CACNA2D3: variants seen among roughly 807,000 people sequenced by gnomAD.
CACNA2D3 encodes the protein calcium voltage-gated channel auxiliary subunit alpha2delta 3.
A neutral mutation model predicts 160.6 loss-of-function variants in CACNA2D3; 60 were observed. The ratio of observed to expected loss-of-function variants is 0.37; its 90% CI spans 0.30 to 0.46. The LOEUF (loss-of-function observed/expected upper bound fraction) is 0.46. Ranked by LOEUF, CACNA2D3 falls within the 20% of genes least tolerant of loss-of-function variation. The pLI is 1.00. For synonymous variants in CACNA2D3, 558 were observed against 492.9 expected, an observed-to-expected ratio of 1.13 and a Z score of -1.75; for missense variants, 1,205 against 1,365.0, an observed-to-expected ratio of 0.88 and a Z score of 1.85.
intron 11 of CACNA2D3, among the ~76,000 whole-genome samples, chr3:54,732,330 A>G (rs571572388): frequency 2.0e-5 from 3 of 152,346 alleles, no homozygotes; most frequent in South Asian, 4.1e-4. Context: ...ACATACACTT[A>G]CAGATCCAAT....
In CACNA2D3 at chr3:54,243,131, C is replaced by T. The variant is rs185631772; in HGVS notation, c.205-77311C>T. On this transcript the variant is annotated intron_variant, in intron 2 of 37. Coordinates refer to ENST00000474759, the MANE Select transcript of CACNA2D3 (RefSeq NM_018398.3). ...ATTCCAGATCTCCTCCAAGATTGTA[C>T]CCCCTGTCCCCACTCTCCAGCTCCC... Among the ~76,000 whole-genome samples, 384 of 152,278 alleles carry T rather than the reference C, an allele frequency of 2.5e-3. 1 individual carries two copies. The highest frequency in any genetic ancestry group is 8.9e-3 in the African/African-American group (369 of 41,542).
At chr3:54,321,186 G>C (rs1000066735) in intron 3 of CACNA2D3, among the ~76,000 whole-genome samples, 12 of 152,138 alleles carry the variant, frequency 7.9e-5, no homozygotes, top group African/African-American at 2.9e-4. Flanking sequence ...CGGGTGTGTT[G>C]GTGGGTGCCT....
intron 35 of CACNA2D3, among the ~76,000 whole-genome samples, chr3:55,027,687 G>A (rs963549222): frequency 1.3e-5 from 2 of 152,282 alleles, no homozygotes; most frequent in African/African-American, 4.8e-5. Context: ...ATTCTGCAGC[G>A]TTTGGCCAGG....
chr3:54,598,272 C>G (rs568041710), intron 9 of CACNA2D3, among the ~76,000 whole-genome samples: 2 of 128,734 alleles, frequency 1.6e-5, no homozygotes, highest in Non-Finnish European at 1.6e-5. Flanking sequence ...CATGCCACCG[C>G]ACTCCAGCCT....
chr3:54,533,249 A>G (rs2106644667), intron 5 of CACNA2D3, among the ~76,000 whole-genome samples: 1 of 151,182 alleles, frequency 6.6e-6, no homozygotes, highest in Admixed American at 6.6e-5. Flanking sequence ...TCCGTGGTTT[A>G]CTTTCTTGCA....
chr3:54,983,836 C>A (rs1387294714), intron 29 of CACNA2D3, among the ~76,000 whole-genome samples: 2 of 152,216 alleles, frequency 1.3e-5, no homozygotes, highest in East Asian at 3.9e-4. Context: ...AACTGAGTTA[C>A]ATCAAGGACG....
chr3:54,528,572 C>A (rs1701760518), intron 5 of CACNA2D3, among the ~76,000 whole-genome samples: 1 of 152,098 alleles, frequency 6.6e-6, no homozygotes, highest in African/African-American at 2.4e-5. Context: ...AAACACGAAA[C>A]CTTGCTTATT....
chr3:54,460,615 A>G (rs979476949), intron 4 of CACNA2D3, among the ~76,000 whole-genome samples: 5 of 152,216 alleles, frequency 3.3e-5, no homozygotes, highest in African/African-American at 1.2e-4. Flanking sequence ...TGATTTTTGT[A>G]CATTGATTTT....
intron 11 of CACNA2D3, among the ~76,000 whole-genome samples, chr3:54,736,009 A>G (rs7434214): frequency 9.7e-5 from 9 of 93,034 alleles, no homozygotes; most frequent in African/African-American, 2.5e-4. Flanking sequence ...ATATATATGT[A>G]TATATATACA....
At chr3:55,014,554 C>A (rs1382520209) in intron 34 of CACNA2D3, among the ~76,000 whole-genome samples, 1 of 152,028 alleles carries the variant, frequency 6.6e-6, no homozygotes, top group African/African-American at 2.4e-5. Context: ...CATGGTGCAA[C>A]CCCCATCTCT....
At chr3:54,959,267 C>G (rs1468817349) in intron 27 of CACNA2D3, among the ~76,000 whole-genome samples, 1 of 152,140 alleles carries the variant, frequency 6.6e-6, no homozygotes. Context: ...CACCACAGTT[C>G]CCTGTCAGCT....
Position 54,709,085 on chromosome 3 carries a change from C to T in CACNA2D3, c.1168-43514C>T, listed in dbSNP as rs1275125779. On this transcript the variant is annotated intron_variant, in intron 11 of 37. Coordinates refer to ENST00000474759, the MANE Select transcript of CACNA2D3 (RefSeq NM_018398.3). Reference sequence around the variant, plus strand: ...AGTGCAATGACTCAATGTCGGCTCACTGCAACCTCCACTTCCTGGGTTCAA... The same window carrying T: ...AGTGCAATGACTCAATGTCGGCTCATTGCAACCTCCACTTCCTGGGTTCAA... Among the ~76,000 whole-genome samples, 2 of 151,386 alleles carry T rather than the reference C, an allele frequency of 1.3e-5. 1 individual carries two copies. Among genetic ancestry groups the T allele is most frequent in the Non-Finnish European group, 2.9e-5 (2 of 67,964 alleles).
At chr3:54,777,557 C>G (rs1423435325) in intron 13 of CACNA2D3, among the ~76,000 whole-genome samples, 1 of 152,184 alleles carries the variant, frequency 6.6e-6, no homozygotes, top group Admixed American at 6.5e-5. Flanking sequence ...ATCTAAAAAT[C>G]TGGAACATCA....
At chr3:54,669,414 A>G (rs1211994933) in intron 11 of CACNA2D3, among the ~76,000 whole-genome samples, 1 of 152,190 alleles carries the variant, frequency 6.6e-6, no homozygotes, top group Non-Finnish European at 1.5e-5. Flanking sequence ...TCGAGTCAGG[A>G]TGTTTCATAT....
intron 32 of CACNA2D3, among the ~76,000 whole-genome samples, chr3:55,007,488 G>C (rs1428525828): frequency 1.3e-5 from 2 of 152,170 alleles, no homozygotes; most frequent in African/African-American, 4.8e-5. Flanking sequence ...AGCCCCTAGA[G>C]GGTAAAGGTT....
In CACNA2D3 at chr3:55,009,596, T is replaced by C. The variant is rs564571536; in HGVS notation, c.2875+153T>C. 2.6e-5 allele frequency among the ~76,000 whole-genome samples: 4 copies of C among 152,348 alleles called. No homozygotes were observed. The South Asian group carries it at 6.2e-4, about 24-fold the overall frequency. ...GTCAGCAAAAAGCCAGCCTTTGTGC[T>C]AAGTGCTGTGCTATCTAGTCTGACA... On this transcript the variant is annotated intron_variant, in intron 34 of 37. Transcript: ENST00000474759.
intron 11 of CACNA2D3, among the ~76,000 whole-genome samples, chr3:54,666,784 G>C (rs1700075531): frequency 6.6e-6 from 1 of 152,182 alleles, no homozygotes; most frequent in Admixed American, 6.5e-5. Flanking sequence ...ATGTGATTCA[G>C]GGTGACTGGG....
chr3:54,348,985 C>G (rs988396158), intron 3 of CACNA2D3, among the ~76,000 whole-genome samples: 1 of 152,188 alleles, frequency 6.6e-6, no homozygotes. Context: ...GCCTCAGCCT[C>G]CCAAAGTGCT....
chr3:54,903,472 G>A (rs1048581865), intron 27 of CACNA2D3, among the ~76,000 whole-genome samples: 1 of 152,112 alleles, frequency 6.6e-6, no homozygotes, highest in Non-Finnish European at 1.5e-5. Flanking sequence ...GGGCATTTAG[G>A]TTGATTCCAT....
Sources: gnomAD v4.1 joint callset for allele counts (sites outside exome capture counted in the v4.1 genomes callset) on GRCh38, gnomAD v4.1.1 for gene constraint, MANE v1.5 for transcripts, NCBI Gene and HGNC (gene_info 2026-07-23, HGNC 2026-07-21) for gene names.